DCAF7: variants seen among roughly 807,000 people sequenced by gnomAD.
DCAF7 encodes DDB1- and CUL4-associated factor 7.
A neutral mutation model predicts 41.2 loss-of-function variants in DCAF7; 4 were observed. The ratio of observed to expected loss-of-function variants is 0.10; its 90% CI spans 0.05 to 0.22. The LOEUF (loss-of-function observed/expected upper bound fraction) is 0.22. DCAF7 is among the 10% of genes least tolerant of loss of function. The probability of loss-of-function intolerance (pLI) is 1.00; values close to 1 mark genes in which losing one functional copy is unlikely to be tolerated. For missense variants in DCAF7, 131 were observed against 443.2 expected, an observed-to-expected ratio of 0.30 and a Z score of 6.32; for synonymous variants, 143 against 164.2, an observed-to-expected ratio of 0.87 and a Z score of 0.99.
chr17:63,583,831 G>T (rs1428629829), intron 5 of DCAF7, 120 bp downstream of exon 5: 8 of 1,033,258 alleles, frequency 7.7e-6, no homozygotes, highest in Non-Finnish European at 1.2e-5. Flanking sequence ...GGAATGTCTG[G>T]AGGCATTTTT....
chr17:63,570,260 C>G (rs2033491459), intron 1 of DCAF7, among the ~76,000 whole-genome samples: 1 of 152,016 alleles, frequency 6.6e-6, no homozygotes, highest in Non-Finnish European at 1.5e-5. Context: ...TCCAGACCAG[C>G]CTGGGCAACG....
intron 1 of DCAF7, among the ~76,000 whole-genome samples, chr17:63,569,668 A>G (rs1181090115): frequency 6.6e-6 from 1 of 152,134 alleles, no homozygotes; most frequent in African/African-American, 2.4e-5. Flanking sequence ...CTGAGTAACA[A>G]ATGTACCTTT....
Position 63,589,299 on chromosome 17 carries a change from C to G in DCAF7, c.*127C>G, listed in dbSNP as rs1175132786. ...TTCATTGCTTTGCACCCACTGTTAC[C>G]AGAAGCTGCTCTAGGAGTTCCTGGC... On this transcript the variant is annotated 3_prime_UTR_variant, in exon 7 of 7. Transcript: ENST00000614556. 7.7e-7 allele frequency: 1 copy of G among 1,301,478 alleles called. No homozygotes were observed. The highest frequency in any genetic ancestry group is 1.5e-5 in the African/African-American group (1 of 68,684). The allele number at this position is 1,301,478 out of a possible 1,614,324, so 80.6% of individuals were successfully genotyped here. A position where few individuals can be genotyped will look rare whatever the true frequency, so the allele number is the denominator to read the frequency against.
Position 63,550,653 on chromosome 17 carries a change from C to G in DCAF7, c.-25C>G. ...CCGCCGCAGCCCACTGTTGACCCGG[C>G]CCGTACTGCGGCCCCGTGGCCACCA... is the stretch of plus-strand genomic sequence containing the variant. On this transcript the variant is annotated 5_prime_UTR_variant, in exon 1 of 7. Transcript: ENST00000614556. The surrounding 1 kb of genome is among the most constrained non-coding windows in gnomAD (Gnocchi z 4.8). 1 of 1,611,936 alleles carries G rather than the reference C, an allele frequency of 6.2e-7. No homozygotes were observed. The highest frequency in any genetic ancestry group is 1.1e-5 in the South Asian group (1 of 91,076).
At position 63,550,654 on chromosome 17, in the gene DCAF7, C is replaced by T; in HGVS notation, c.-24C>T. The T allele has an allele frequency of 1.9e-6, 3 of 1,612,138 alleles. No homozygotes were observed. Among genetic ancestry groups the T allele is most frequent in the Non-Finnish European group, 1.7e-6 (2 of 1,179,364 alleles). Reference sequence around the variant, plus strand: ...CGCCGCAGCCCACTGTTGACCCGGCCCGTACTGCGGCCCCGTGGCCACCAT... The same window carrying T: ...CGCCGCAGCCCACTGTTGACCCGGCTCGTACTGCGGCCCCGTGGCCACCAT... On this transcript the variant is annotated 5_prime_UTR_variant, in exon 1 of 7. Coordinates refer to ENST00000614556, the MANE Select transcript of DCAF7 (RefSeq NM_005828.5). This position sits in a 1 kb window ranked among gnomAD's most constrained non-coding sequence, Gnocchi z 4.8.
intron 1 of DCAF7, among the ~76,000 whole-genome samples, chr17:63,559,116 C>T (rs896162605): frequency 2.7e-5 from 4 of 150,604 alleles, no homozygotes; most frequent in Non-Finnish European, 5.9e-5. Context: ...TCGAGACCAG[C>T]CTGGCCAACA....
intron 2 of DCAF7, among the ~76,000 whole-genome samples, chr17:63,578,908 A>G (rs1042089558): frequency 1.3e-5 from 2 of 152,238 alleles, no homozygotes; most frequent in East Asian, 1.9e-4. Context: ...TTGGGAACTC[A>G]TATTCTGTTT....
rs113186270 is a variant in DCAF7, at chr17:63,575,192, G to A, written c.139-3278G>A. ...AAATAAAAATTAAAATTAGCCAGGC[G>A]TGGTCACGCACGCCTATAATTCCAG... On this transcript the variant is annotated intron_variant, in intron 1 of 6. Transcript: ENST00000614556. 9.6e-3 allele frequency among the ~76,000 whole-genome samples: 1,461 copies of A among 152,152 alleles called. 32 individuals carry two copies. The highest frequency in any genetic ancestry group is 0.034 in the African/African-American group (1,410 of 41,486).
At chr17:63,587,109 C>G (rs144710509) in intron 6 of DCAF7, among the ~76,000 whole-genome samples, 2,326 of 152,252 alleles carry the variant, frequency 0.015, 56 homozygotes, top group African/African-American at 0.053. Context: ...CTTCTCCTCA[C>G]TAATCAGGAG....
chr17:63,563,814 CAAATAAATAAATAAAT>C (rs138884947), intron 1 of DCAF7, among the ~76,000 whole-genome samples: 366 of 148,732 alleles, frequency 2.5e-3, no homozygotes, highest in African/African-American at 8.8e-3. Flanking sequence ...GATTCTGTCT[CAAATAAATAAATAAAT>C]AAATAAATAA....
At chr17:63,568,733 C>T (rs1421283782) in intron 1 of DCAF7, among the ~76,000 whole-genome samples, 5 of 152,178 alleles carry the variant, frequency 3.3e-5, no homozygotes, top group Non-Finnish European at 5.9e-5. Flanking sequence ...AGCCTCAGGC[C>T]TCTCATGGGA....
intron 6 of DCAF7, among the ~76,000 whole-genome samples, chr17:63,587,949 G>A (rs1164688617): frequency 7.0e-6 from 1 of 143,166 alleles, no homozygotes; most frequent in Non-Finnish European, 1.5e-5. Flanking sequence ...TTGCACCATT[G>A]CACTCAAGCC....
At chr17:63,583,923 T>G (rs993590692) in intron 5 of DCAF7, among the ~76,000 whole-genome samples, 4 of 152,120 alleles carry the variant, frequency 2.6e-5, no homozygotes, top group Non-Finnish European at 5.9e-5. Flanking sequence ...TATCCTACAG[T>G]GCCCAGGACA....
At position 63,589,074 on chromosome 17, in the gene DCAF7, A is replaced by G. The variant is rs761458805; in HGVS notation, c.931A>G (p.Thr311Ala). 6.2e-7 allele frequency: 1 copy of G among 1,613,978 alleles called. No individual in the cohort carries two copies. The highest frequency in any genetic ancestry group is 8.5e-7 in the Non-Finnish European group (1 of 1,179,890). Reference sequence around the variant, plus strand: ...CATTGAGGACCCTATCCTGGCCTACACAGCTGAAGGAGAGATCAACAATGT... The same window carrying G: ...CATTGAGGACCCTATCCTGGCCTACGCAGCTGAAGGAGAGATCAACAATGT... ...RAIEDPILAY[T>A]AEGEINNVQW... Residue 311 changes from threonine to alanine, a missense_variant, in exon 7 of 7, where the codon ACA becomes GCA. Transcript: ENST00000614556.
chr17:63,568,738 A>C (rs1041187402), intron 1 of DCAF7, among the ~76,000 whole-genome samples: 1 of 152,158 alleles, frequency 6.6e-6, no homozygotes, highest in African/African-American at 2.4e-5. Flanking sequence ...CAGGCCTCTC[A>C]TGGGACTGGA....
At chr17:63,559,714 A>G (rs1340312037) in intron 1 of DCAF7, among the ~76,000 whole-genome samples, 1 of 151,794 alleles carries the variant, frequency 6.6e-6, no homozygotes, top group Non-Finnish European at 1.5e-5. Context: ...AGGCAGGAGA[A>G]TCGCTTGAAC....
In DCAF7 at chr17:63,593,392, C is replaced by T. The variant is rs1441415465; in HGVS notation, c.*4220C>T. ...TGTGGCCACATGGGATGGGCCAGGT[C>T]CTCTCAGGCTACTTTCTGGATGTCA... is the stretch of plus-strand genomic sequence containing the variant. On this transcript the variant is annotated 3_prime_UTR_variant, in exon 7 of 7. Transcript: ENST00000614556. The T allele has an allele frequency of 6.6e-6, 1 of 152,662 alleles. No individual in the cohort carries two copies. Among genetic ancestry groups the T allele is most frequent in the Non-Finnish European group, 1.5e-5 (1 of 68,066 alleles). 9.5% of individuals were successfully genotyped at this position (152,662 alleles called of 1,614,324 possible).
chr17:63,559,439 G>GTGTGTATA lies in DCAF7; in HGVS notation c.138+8625_138+8626insGTGTATAT, dbSNP rs1555680864. Among the ~76,000 whole-genome samples the GTGTGTATA allele has an allele frequency of 1.7e-3, 204 of 122,156 alleles. 1 individual carries two copies. Among genetic ancestry groups the GTGTGTATA allele is most frequent in the African/African-American group, 6.8e-3 (195 of 28,860 alleles). 80.1% of individuals were successfully genotyped at this position (122,156 alleles called of 152,430 possible). On this transcript the variant is annotated intron_variant, in intron 1 of 6. Coordinates refer to ENST00000614556, the MANE Select transcript of DCAF7 (RefSeq NM_005828.5). ...TATATACGTATATATATATGTGTGT[G>GTGTGTATA]TATATATATATATATATATTTTTAA... is the stretch of plus-strand genomic sequence containing the variant.
chr17:63,593,994 A>G lies in DCAF7; in HGVS notation c.*4822A>G, dbSNP rs2033760018. 4 of 152,698 alleles carry G rather than the reference A, an allele frequency of 2.6e-5. No homozygotes were observed. Among genetic ancestry groups the G allele is most frequent in the South Asian group, 4.1e-4 (2 of 4,826 alleles). 9.5% of individuals were successfully genotyped at this position (152,698 alleles called of 1,614,324 possible). On this transcript the variant is annotated 3_prime_UTR_variant, in exon 7 of 7. Coordinates refer to ENST00000614556, the MANE Select transcript of DCAF7 (RefSeq NM_005828.5). ...CTGCCCCTTGCAGAACTGTACTGTA[A>G]TATTTTTCTTTTATAAATATTTTCA...
Sources: gnomAD v4.1 joint callset for allele counts (sites outside exome capture counted in the v4.1 genomes callset) on GRCh38, gnomAD v4.1.1 for gene constraint, Gnocchi (gnomAD v3.1) non-coding constraint, MANE v1.5 for transcripts, NCBI Gene and HGNC (gene_info 2026-07-23, HGNC 2026-07-21) for gene names.